Variants in LRRC40 observed in about 807,000 individuals in gnomAD.
LRRC40 encodes the protein leucine rich repeat containing 40, also known as leucine-rich repeat-containing protein 40.
A neutral mutation model predicts 72.8 loss-of-function variants in LRRC40; 76 were observed. The observed-to-expected ratio is 1.04, with a 90% CI of 0.87 to 1.26. The LOEUF (loss-of-function observed/expected upper bound fraction) is 1.26. Among genes scored for constraint, LRRC40 ranks in the 50% most tolerant of loss-of-function variants. The pLI is 0.00. For missense variants in LRRC40, 684 were observed against 698.9 expected (o/e 0.98, Z 0.24); for synonymous variants, 243 against 254.2 (o/e 0.96, Z 0.42).
intron 6 of LRRC40, among the ~76,000 whole-genome samples, chr1:70,178,191 C>T (rs1255685306): frequency 6.6e-6 from 1 of 152,110 alleles, no homozygotes; most frequent in Non-Finnish European, 1.5e-5. Flanking sequence ...ATAACCTTTG[C>T]ATTGTTCAAG....
At chr1:70,202,453 T>G (rs1416121032) in intron 1 of LRRC40, among the ~76,000 whole-genome samples, 2 of 152,172 alleles carry the variant, frequency 1.3e-5, no homozygotes, top group African/African-American at 2.4e-5. Flanking sequence ...ACTGGTATGA[T>G]TCAAATTAAG....
intron 11 of LRRC40, among the ~76,000 whole-genome samples, chr1:70,153,410 T>C (rs1667555863): frequency 6.6e-6 from 1 of 151,254 alleles, no homozygotes; most frequent in African/African-American, 2.4e-5. Context: ...TTAGTCTATC[T>C]CATTAGCAAA....
At position 70,148,579 on chromosome 1, in the gene LRRC40, T is replaced by C; in HGVS notation, c.1611A>G (p.Lys537=). ...NNQVGSVDPQ[K]MKMMENLTTL... ...TGGTCAGATTTTCCATCATCTTCAT[T>C]TTCTGAGGGTCCACAGATCCAACCT... Residue 537 remains lysine, a synonymous_variant, in exon 14 of 15, where the codon AAA becomes AAG. Coordinates refer to ENST00000370952, the MANE Select transcript of LRRC40 (RefSeq NM_017768.5). The C allele has an allele frequency of 6.2e-7, 1 of 1,613,320 alleles. No individual in the cohort carries two copies. Among genetic ancestry groups the C allele is most frequent in the Non-Finnish European group, 8.5e-7 (1 of 1,179,384 alleles).
intron 6 of LRRC40, among the ~76,000 whole-genome samples, chr1:70,176,659 A>G (rs996321320): frequency 9.9e-5 from 15 of 152,034 alleles, no homozygotes; most frequent in Admixed American, 3.9e-4. Context: ...AGTTATTGAT[A>G]TTATGCAGTT....
chr1:70,164,881 TGTAGAAC>T lies in LRRC40; in HGVS notation c.1112-5450_1112-5444del, dbSNP rs1442884715. The stretch of plus-strand genomic sequence containing the variant: ...CATTGATATTTACCTAGCCTATTGA[TGTAGAAC>T]AGAGAACAAGTAAATAACTATCAGG... On this transcript the variant is annotated intron_variant, in intron 9 of 14. Coordinates refer to ENST00000370952, the MANE Select transcript of LRRC40 (RefSeq NM_017768.5). 5.3e-5 allele frequency among the ~76,000 whole-genome samples: 8 copies of T among 152,356 alleles called. No homozygotes were observed. The East Asian group carries it at 1.5e-3, about 29-fold the overall frequency.
chr1:70,176,792 T>G (rs1668116265), intron 6 of LRRC40, among the ~76,000 whole-genome samples: 1 of 152,092 alleles, frequency 6.6e-6, no homozygotes, highest in South Asian at 2.1e-4. Flanking sequence ...AAACCAACTG[T>G]GTAGCCTAAA....
At chr1:70,164,285 G>C (rs1217357351) in intron 9 of LRRC40, among the ~76,000 whole-genome samples, 1 of 152,134 alleles carries the variant, frequency 6.6e-6, no homozygotes, top group African/African-American at 2.4e-5. Flanking sequence ...AGCTACTCAT[G>C]AGGCTGAGGC....
rs184048593 is a variant in LRRC40, at chr1:70,155,679, T to C, written c.1328+10A>G. ...GTCACAACCTATAGACATGGCATCA[T>C]AGTTCTTACCTTTTTGGAATTTCAC... is the stretch of plus-strand genomic sequence containing the variant. On this transcript the variant is annotated intron_variant, in intron 11 of 14. Transcript: ENST00000370952. 7.7e-4 allele frequency: 1,039 copies of C among 1,352,562 alleles called. 7 individuals are homozygous for C. The African/African-American group carries it at 0.013, about 17-fold the overall frequency. 83.8% of individuals were successfully genotyped at this position (1,352,562 alleles called of 1,614,324 possible).
rs115928642 is a variant in LRRC40 at position 70,186,151 on chromosome 1, T to C, written c.407+1114A>G. 4.3e-3 allele frequency among the ~76,000 whole-genome samples: 659 copies of C among 152,320 alleles called. 4 individuals carry two copies. The highest frequency in any genetic ancestry group is 0.015 in the African/African-American group (615 of 41,580). Reference sequence around the variant, plus strand: ...ATAGGGATCTAACTGGGGAGAGAGATAATTTTAGCTATAGATTTCCTCCAT... The same window carrying C: ...ATAGGGATCTAACTGGGGAGAGAGACAATTTTAGCTATAGATTTCCTCCAT... On this transcript the variant is annotated intron_variant, in intron 3 of 14. Transcript: ENST00000370952.
In LRRC40 at chr1:70,145,578, A is replaced by C. The variant is rs1667264979; in HGVS notation, c.*222T>G. 6.1e-6 allele frequency: 2 copies of C among 329,862 alleles called. No homozygotes were observed. The highest frequency in any genetic ancestry group is 1.7e-3 in the Middle Eastern group (2 of 1,184). 20.4% of individuals were successfully genotyped at this position (329,862 alleles called of 1,614,324 possible). A position where few individuals can be genotyped will look rare whatever the true frequency, so the allele number is the denominator to read the frequency against. ...CACATTGTGGTTATCACCATTACAAATGTATACAACACCTTACAAAAATCT... is the reference window on the plus strand; with the variant it reads ...CACATTGTGGTTATCACCATTACAACTGTATACAACACCTTACAAAAATCT... On this transcript the variant is annotated 3_prime_UTR_variant, in exon 15 of 15. Coordinates refer to ENST00000370952, the MANE Select transcript of LRRC40 (RefSeq NM_017768.5).
chr1:70,183,964 C>T (rs767824939), intron 4 of LRRC40, among the ~76,000 whole-genome samples: 3 of 152,054 alleles, frequency 2.0e-5, no homozygotes, highest in African/African-American at 4.8e-5. Flanking sequence ...CTTAATAATA[C>T]GACTAGACTA....
chr1:70,203,255 C>T (rs1023968555), intron 1 of LRRC40, among the ~76,000 whole-genome samples: 1 of 152,128 alleles, frequency 6.6e-6, no homozygotes, highest in African/African-American at 2.4e-5. Context: ...TTTAGAAAGA[C>T]TTTTGTATGC....
chr1:70,148,573 C>T lies in LRRC40; in HGVS notation c.1617G>A (p.Lys539=). The change falls in exon 14 of 15, where the codon AAG becomes AAA. Residue 539 remains lysine (K), a synonymous_variant. Coordinates refer to ENST00000370952, the MANE Select transcript of LRRC40 (RefSeq NM_017768.5). ...QVGSVDPQKM[K]MMENLTTLDL... ...CCAACGTGGTCAGATTTTCCATCAT[C>T]TTCATTTTCTGAGGGTCCACAGATC... The T allele has an allele frequency of 6.2e-7, 1 of 1,613,296 alleles. No individual in the cohort carries two copies.
At chr1:70,173,544 C>T (rs370666786) in intron 8 of LRRC40, 34 bp from the exon 9 acceptor site, 7 of 1,564,892 alleles carry the variant, frequency 4.5e-6, no homozygotes, top group Non-Finnish European at 6.2e-6. Context: ...TTCACCAAGA[C>T]ATGCTTTGCA....
At chr1:70,202,210 G>C (rs1030880354) in intron 1 of LRRC40, among the ~76,000 whole-genome samples, 2 of 152,044 alleles carry the variant, frequency 1.3e-5, no homozygotes, top group African/African-American at 4.8e-5. Context: ...CAAATGAGTT[G>C]AACATATATC....
At chr1:70,173,401 G>A (rs554566950) in intron 9 of LRRC40, 64 bp downstream of exon 9, 1 of 1,130,176 alleles carries the variant, frequency 8.8e-7, no homozygotes, top group Admixed American at 1.8e-5. Flanking sequence ...TTAAATTTAT[G>A]TACTATTAAT....
intron 4 of LRRC40, among the ~76,000 whole-genome samples, chr1:70,182,588 A>C (rs1162647923): frequency 6.6e-6 from 1 of 151,880 alleles, no homozygotes; most frequent in Non-Finnish European, 1.5e-5. Context: ...AATAATTCTA[A>C]TAAACCCCCT....
In LRRC40 at chr1:70,151,181, T is replaced by G; in HGVS notation, c.1464A>C (p.Pro488=). 4.4e-6 allele frequency: 7 copies of G among 1,588,354 alleles called. No individual in the cohort carries two copies. Among genetic ancestry groups the G allele is most frequent in the Non-Finnish European group, 6.0e-6 (7 of 1,158,790 alleles). ...GTCTTACCAGTGATTCCATTTCTTC[T>G]GGCAAAGAATTTAAAAAATTGTTCC... is the stretch of plus-strand genomic sequence containing the variant. ...DLRNNFLNSL[P]EEMESLVRLQ... Residue 488 remains proline, a synonymous_variant, in exon 13 of 15, where the codon CCA becomes CCC. Coordinates refer to ENST00000370952, the MANE Select transcript of LRRC40 (RefSeq NM_017768.5).
rs1471497118 is a variant in LRRC40, at chr1:70,184,846, T to C, written c.476A>G (p.Gln159Arg). 1.9e-6 allele frequency: 3 copies of C among 1,611,994 alleles called. No homozygotes were observed. The highest frequency in any genetic ancestry group is 1.7e-4 in the Middle Eastern group (1 of 6,056). Residue 159 changes from glutamine to arginine, a missense_variant, in exon 4 of 15, where the codon CAG becomes CGG. Physicochemically the swap from Gln to Arg is conservative, Grantham distance 43. Coordinates refer to ENST00000370952, the MANE Select transcript of LRRC40 (RefSeq NM_017768.5). ...TGATATGCAGGTTAATTCATTATGC[T>C]GGAGATACAGGCACTTCAGGTTTCT... ...NLRNLKCLYL[Q>R]HNELTCISEG...
Sources: gnomAD v4.1 joint callset for allele counts (sites outside exome capture counted in the v4.1 genomes callset) on GRCh38, gnomAD v4.1.1 for gene constraint, MANE v1.5 for transcripts, NCBI Gene and HGNC (gene_info 2026-07-23, HGNC 2026-07-21) for gene names.